MAPKBP1: variants seen among roughly 807,000 people sequenced by gnomAD.
MAPKBP1 encodes mitogen-activated protein kinase binding protein 1.
A neutral mutation model predicts 170.5 loss-of-function variants in MAPKBP1; 71 were observed. That is an observed-to-expected ratio of 0.42 (90% CI 0.34 to 0.51). The LOEUF (loss-of-function observed/expected upper bound fraction) is 0.51. Ranked by LOEUF, MAPKBP1 falls within the 20% of genes least tolerant of loss-of-function variation. The probability of loss-of-function intolerance (pLI) is 0.06; values close to 1 mark genes in which losing one functional copy is unlikely to be tolerated. For missense variants in MAPKBP1, 1,598 were observed against 1,933.0 expected (o/e 0.83, Z 3.25); for synonymous variants, 719 against 757.9 (o/e 0.95, Z 0.84).
rs200252924 is a variant in MAPKBP1 at position 41,812,084 on chromosome 15, T to C, written c.455T>C (p.Val152Ala). ...CCTAGCGCCAAGTACATTGTCTCTG[T>C]GGGCTACCAGCATGACATGATCGTC... The part of the protein sequence containing the change: ...FSPSAKYIVS[V>A]GYQHDMIVNV... Residue 152 changes from valine (V) to alanine (A), a missense_variant, in exon 6 of 31, where the codon GTG becomes GCG. By Grantham distance (64) the Val-to-Ala change is moderately conservative. This residue lies in a region of MAPKBP1 where 151 missense variants were observed against 191.4 expected (regional missense o/e 0.79). Transcript: ENST00000457542. 1.2e-6 allele frequency: 2 copies of C among 1,614,072 alleles called. No homozygotes were observed. The highest frequency in any genetic ancestry group is 2.2e-5 in the East Asian group (1 of 44,868).
chr15:41,819,547 C>CGGGGGGGGGGGGG (rs3034893), intron 21 of MAPKBP1, 48 bp from the exon 22 acceptor site: 2 of 1,235,886 alleles, frequency 1.6e-6, no homozygotes, highest in African/African-American at 1.8e-5. Flanking sequence ...GGTTGGGTGG[C>CGGGGGGGGGGGGG]GGGGGGGGGG....
At chr15:41,808,491 T>C (rs1776409537) in intron 3 of MAPKBP1, among the ~76,000 whole-genome samples, 1 of 151,520 alleles carries the variant, frequency 6.6e-6, no homozygotes, top group African/African-American at 2.4e-5. Flanking sequence ...TTTTTTTTTT[T>C]TGAGACAGAG....
chr15:41,808,105 C>CA (rs2064732713), intron 3 of MAPKBP1, among the ~76,000 whole-genome samples: 1 of 109,460 alleles, frequency 9.1e-6, no homozygotes, highest in Non-Finnish European at 1.8e-5. Flanking sequence ...TTCTTTCTTT[C>CA]TTTTTTTTTT....
chr15:41,795,113 C>T (rs1159072670), intron 2 of MAPKBP1, among the ~76,000 whole-genome samples: 4 of 145,170 alleles, frequency 2.8e-5, no homozygotes, highest in Non-Finnish European at 6.0e-5. Context: ...TGCAGTGAGC[C>T]GAGATCATAC....
intron 3 of MAPKBP1, 141 bp from the exon 4 acceptor site, chr15:41,810,742 A>AAAGG: frequency 1.6e-6 from 1 of 618,992 alleles, no homozygotes; most frequent in Non-Finnish European, 2.9e-6. Flanking sequence ...AAAAAAAAGA[A>AAAGG]AAGGAAAAAA....
intron 8 of MAPKBP1, chr15:41,813,383 C>T (rs1376230998): frequency 2.0e-6 from 3 of 1,521,214 alleles, no homozygotes; most frequent in Non-Finnish European, 2.7e-6. Flanking sequence ...CTTTCTCATG[C>T]TATTTCTTTC....
intron 2 of MAPKBP1, among the ~76,000 whole-genome samples, chr15:41,797,102 G>A (rs2064504537): frequency 6.6e-6 from 1 of 152,114 alleles, no homozygotes; most frequent in Non-Finnish European, 1.5e-5. Context: ...TAGAGTGTTA[G>A]TAGCCCACGT....
chr15:41,797,806 G>T (rs1374480174), intron 2 of MAPKBP1, among the ~76,000 whole-genome samples: 3 of 152,174 alleles, frequency 2.0e-5, no homozygotes, highest in Non-Finnish European at 4.4e-5. Flanking sequence ...TTCCTCATCT[G>T]CATCCCCAAG....
chr15:41,797,653 G>T (rs2064514826), intron 2 of MAPKBP1, among the ~76,000 whole-genome samples: 1 of 152,176 alleles, frequency 6.6e-6, no homozygotes, highest in African/African-American at 2.4e-5. Flanking sequence ...GTATAGAGAA[G>T]GCCAAAGTTA....
At position 41,823,708 on chromosome 15, in the gene MAPKBP1, G is replaced by A. The variant is rs770426841; in HGVS notation, c.3860G>A (p.Arg1287Gln). 7.4e-6 allele frequency: 12 copies of A among 1,614,020 alleles called. No homozygotes were observed. Among genetic ancestry groups the A allele is most frequent in the South Asian group, 4.4e-5 (4 of 91,074 alleles). The change falls in exon 29 of 31, where the codon CGG becomes CAG. Residue 1287 changes from arginine (R) to glutamine (Q), a missense_variant. Physicochemically the swap from Arg to Gln is conservative, Grantham distance 43 (BLOSUM62 1). Around this residue, in one of 6 missense-constraint regions of MAPKBP1, gnomAD observed 942 missense variants for 953.2 expected, o/e 0.99. Transcript: ENST00000457542. ...SPLSKLALPS[R>Q]AHLVLDIPKP... is the part of the protein sequence containing the mutation. The stretch of plus-strand genomic sequence containing the variant: ...CTCAGCAAGCTGGCCCTGCCCAGCC[G>A]GGCTCACCTGGTCCTGGACATCCCC...
intron 2 of MAPKBP1, among the ~76,000 whole-genome samples, chr15:41,782,640 T>G (rs775628124): frequency 3.9e-5 from 6 of 152,164 alleles, no homozygotes; most frequent in Non-Finnish European, 7.4e-5. Context: ...CTTTCTGAAC[T>G]CCAGGGCCCA....
chr15:41,813,898 C>A, intron 9 of MAPKBP1, 117 bp downstream of exon 9: 1 of 1,217,490 alleles, frequency 8.2e-7, no homozygotes, highest in Non-Finnish European at 1.1e-6. Context: ...TTATTGGGAA[C>A]ACCTCTTTAG....
chr15:41,793,146 C>T (rs1414704250), intron 2 of MAPKBP1, among the ~76,000 whole-genome samples: 1 of 152,188 alleles, frequency 6.6e-6, no homozygotes, highest in East Asian at 1.9e-4. Context: ...TGCCATTCTT[C>T]TCACTAATTA....
chr15:41,802,018 C>T (rs542309299), intron 3 of MAPKBP1, among the ~76,000 whole-genome samples: 1 of 152,284 alleles, frequency 6.6e-6, no homozygotes, highest in African/African-American at 2.4e-5. Flanking sequence ...TAGCCTACTA[C>T]ATACCTAGGC....
At chr15:41,808,259 A>G (rs1343713145) in intron 3 of MAPKBP1, among the ~76,000 whole-genome samples, 1 of 151,126 alleles carries the variant, frequency 6.6e-6, no homozygotes. Context: ...GGTGCCCGCC[A>G]CCACGCCTGG....
At position 41,820,709 on chromosome 15, in the gene MAPKBP1, C is replaced by A. The variant is rs1472116076; in HGVS notation, c.2482-123C>A. ...TACTAGTGCCCATTTCAAAAGGTTGCTGTGAGGATGAAGTAAGCTAGTATG... is the reference window on the plus strand; with the variant it reads ...TACTAGTGCCCATTTCAAAAGGTTGATGTGAGGATGAAGTAAGCTAGTATG... On this transcript the variant is annotated intron_variant, in intron 22 of 30. Transcript: ENST00000457542. The A allele has an allele frequency of 4.3e-6, 3 of 697,200 alleles. No homozygotes were observed. The East Asian group carries it at 8.1e-5, about 19-fold the overall frequency. 43.2% of individuals were successfully genotyped at this position (697,200 alleles called of 1,614,324 possible).
chr15:41,793,673 G>C (rs1317915482), intron 2 of MAPKBP1, among the ~76,000 whole-genome samples: 1 of 152,148 alleles, frequency 6.6e-6, no homozygotes, highest in African/African-American at 2.4e-5. Flanking sequence ...AAGACCAAAA[G>C]GTCTGAGAAT....
At chr15:41,825,171 C>A in intron 30 of MAPKBP1, 38 bp from the exon 31 acceptor site, 1 of 1,519,610 alleles carries the variant, frequency 6.6e-7, no homozygotes, top group South Asian at 1.3e-5. Context: ...TGTCTGTTGA[C>A]AGGCTCCTCC....
At chr15:41,777,734 A>G (rs1161321484) in intron 2 of MAPKBP1, among the ~76,000 whole-genome samples, 1 of 152,228 alleles carries the variant, frequency 6.6e-6, no homozygotes, top group Non-Finnish European at 1.5e-5. Context: ...TGATTACTCT[A>G]GTGTATTAAG....
Sources: gnomAD v4.1 joint callset for allele counts (sites outside exome capture counted in the v4.1 genomes callset) on GRCh38, gnomAD v4.1.1 for gene constraint, gnomAD v4.1.1 regional missense constraint, MANE v1.5 for transcripts, NCBI Gene and HGNC (gene_info 2026-07-23, HGNC 2026-07-21) for gene names.